Variants in ADAMTSL1 observed in about 807,000 individuals in gnomAD.
The protein encoded by ADAMTSL1 is ADAMTS like 1.
Under a neutral mutation model 201.8 loss-of-function variants are expected in ADAMTSL1, and 126 were observed. That is an observed-to-expected ratio of 0.62 (90% CI 0.54 to 0.72). The LOEUF is 0.72. ADAMTSL1 is among the 30% of genes least tolerant of loss of function. The pLI, the probability that ADAMTSL1 is intolerant of heterozygous loss-of-function variation, is 0.00. For synonymous variants in ADAMTSL1, 1,121 were observed against 903.4 expected (o/e 1.24, Z -4.32); for missense variants, 2,679 against 2,277.8 (o/e 1.18, Z -3.59).
chr9:18,715,503 A>G (rs1045591568), intron 14 of ADAMTSL1, among the ~76,000 whole-genome samples: 3 of 152,140 alleles, frequency 2.0e-5, no homozygotes, highest in Non-Finnish European at 2.9e-5. Flanking sequence ...CAAAGAGGAT[A>G]AAATACCTAG....
intron 1 of ADAMTSL1, among the ~76,000 whole-genome samples, chr9:17,937,623 AAAATCT>A (rs759743465): frequency 0.93 from 141,399 of 151,258 alleles, 66,215 homozygotes; most frequent in Non-Finnish European, 0.97. Flanking sequence ...TTAAATTCCT[AAAATCT>A]TGTTGATTTA....
At chr9:18,713,854 G>T (rs1487681052) in intron 14 of ADAMTSL1, among the ~76,000 whole-genome samples, 2 of 147,702 alleles carry the variant, frequency 1.4e-5, no homozygotes, top group East Asian at 3.9e-4. Context: ...GGGAAGTAAA[G>T]CTCTCCTCAG....
At chr9:18,411,576 A>C (rs573454239) in intron 2 of ADAMTSL1, among the ~76,000 whole-genome samples, 1 of 152,200 alleles carries the variant, frequency 6.6e-6, no homozygotes, top group Non-Finnish European at 1.5e-5. Flanking sequence ...TATGTATATA[A>C]TTTCTAGATT....
intron 7 of ADAMTSL1, among the ~76,000 whole-genome samples, chr9:18,644,422 A>T (rs1406131679): frequency 6.6e-6 from 1 of 151,886 alleles, no homozygotes; most frequent in Non-Finnish European, 1.5e-5. Flanking sequence ...GTTTTAGGGT[A>T]CATATGCACA....
At chr9:18,892,326 GA>G in intron 25 of ADAMTSL1, 62 bp from the exon 26 acceptor site, 1 of 1,497,566 alleles carries the variant, frequency 6.7e-7, no homozygotes, top group African/African-American at 1.4e-5. Flanking sequence ...CGGTGGGGAG[GA>G]GGTCTCTTTT....
At chr9:18,443,572 T>A (rs1025956006) in intron 2 of ADAMTSL1, among the ~76,000 whole-genome samples, 6 of 152,066 alleles carry the variant, frequency 3.9e-5, no homozygotes, top group African/African-American at 1.4e-4. Context: ...AGTGGAGGAG[T>A]GTTTCTAAGA....
intron 21 of ADAMTSL1, among the ~76,000 whole-genome samples, chr9:18,821,879 C>A (rs1824231600): frequency 6.6e-6 from 1 of 152,092 alleles, no homozygotes; most frequent in African/African-American, 2.4e-5. Context: ...AACAAGAATA[C>A]CCTGTCTGGG....
At chr9:18,805,168 G>A (rs969632795) in intron 20 of ADAMTSL1, among the ~76,000 whole-genome samples, 1 of 152,084 alleles carries the variant, frequency 6.6e-6, no homozygotes, top group Non-Finnish European at 1.5e-5. Context: ...GGTACTTTTT[G>A]GAATCTTCAA....
At chr9:17,961,594 G>C (rs1481379423) in intron 1 of ADAMTSL1, among the ~76,000 whole-genome samples, 1 of 152,132 alleles carries the variant, frequency 6.6e-6, no homozygotes. Flanking sequence ...AGGTACACTT[G>C]CCATTTGACT....
At chr9:18,779,527 G>T (rs1364382658) in intron 19 of ADAMTSL1, among the ~76,000 whole-genome samples, 3 of 152,164 alleles carry the variant, frequency 2.0e-5, no homozygotes, top group Non-Finnish European at 4.4e-5. Flanking sequence ...ACAGAGGTTG[G>T]ACCCACATAG....
chr9:18,324,230 G>A (rs1465183337), intron 2 of ADAMTSL1, among the ~76,000 whole-genome samples: 1 of 152,056 alleles, frequency 6.6e-6, no homozygotes, highest in Non-Finnish European at 1.5e-5. Context: ...TTTTTAACAT[G>A]TATCCTAGAA....
At chr9:18,307,019 A>G (rs529319987) in intron 2 of ADAMTSL1, among the ~76,000 whole-genome samples, 2 of 152,332 alleles carry the variant, frequency 1.3e-5, no homozygotes, top group South Asian at 4.2e-4. Flanking sequence ...TACAAGCCAG[A>G]ATAGAGTGGG....
chr9:18,815,787 G>A (rs1254349356), intron 20 of ADAMTSL1, among the ~76,000 whole-genome samples: 1 of 150,934 alleles, frequency 6.6e-6, no homozygotes, highest in East Asian at 1.9e-4. Flanking sequence ...TAAACCCGGA[G>A]GTTATTATGT....
intron 1 of ADAMTSL1, among the ~76,000 whole-genome samples, chr9:17,953,254 T>C (rs1457422419): frequency 6.6e-6 from 1 of 152,192 alleles, no homozygotes; most frequent in African/African-American, 2.4e-5. Context: ...AAGCATGCTT[T>C]ATGCCTGGTG....
intron 2 of ADAMTSL1, among the ~76,000 whole-genome samples, chr9:18,326,820 A>G (rs1274470275): frequency 1.3e-5 from 2 of 152,156 alleles, no homozygotes; most frequent in African/African-American, 4.8e-5. Context: ...CCTAATGTGG[A>G]GCTTTTATAT....
chr9:18,121,114 TC>T (rs1296931455), intron 1 of ADAMTSL1, among the ~76,000 whole-genome samples: 1 of 152,202 alleles, frequency 6.6e-6, no homozygotes, highest in East Asian at 1.9e-4. Flanking sequence ...GTAAGAGACT[TC>T]CAAAGGATAC....
rs150058633 is a variant in ADAMTSL1 at position 18,702,094 on chromosome 9, C to G, written c.1575-4653C>G. ...GAGAGCTCGTGCAGAGAAACTCCCA[C>G]TTTTAAAACCATCAGATCTCATGAG... On this transcript the variant is annotated intron_variant, in intron 13 of 28. Transcript: ENST00000380548. Among the ~76,000 whole-genome samples the G allele has an allele frequency of 6.7e-3, 1,016 of 152,280 alleles. 12 individuals are homozygous for G. Among genetic ancestry groups the G allele is most frequent in the Middle Eastern group, 0.044 (13 of 294 alleles).
intron 26 of ADAMTSL1, among the ~76,000 whole-genome samples, chr9:18,899,396 C>T (rs1203718945): frequency 6.6e-6 from 1 of 152,154 alleles, no homozygotes; most frequent in East Asian, 1.9e-4. Context: ...AGATTCAATG[C>T]TATTCCCATT....
chr9:18,426,398 C>T (rs1819224039), intron 2 of ADAMTSL1, among the ~76,000 whole-genome samples: 1 of 152,112 alleles, frequency 6.6e-6, no homozygotes, highest in Non-Finnish European at 1.5e-5. Flanking sequence ...GCAAATAATT[C>T]CCTAAGTATA....
Sources: gnomAD v4.1 joint callset for allele counts (sites outside exome capture counted in the v4.1 genomes callset) on GRCh38, gnomAD v4.1.1 for gene constraint, MANE v1.5 for transcripts, NCBI Gene and HGNC (gene_info 2026-07-23, HGNC 2026-07-21) for gene names.